The following ZNF678 variants were observed in gnomAD, a reference collection of about 807,000 sequenced individuals.
ZNF678 encodes zinc finger protein 678, also known as hypothetical protein MGC42493.
In ZNF678, 5 loss-of-function variants were observed where a neutral mutation model predicts 3.0. The observed-to-expected ratio is 1.69, with a 90% CI of 0.88 to 3.56. The LOEUF (loss-of-function observed/expected upper bound fraction) is 3.56, where lower values mean the gene tolerates loss of function less well. Among genes scored for constraint, ZNF678 ranks in the 30% most tolerant of loss-of-function variants. The pLI, the probability that ZNF678 is intolerant of heterozygous loss-of-function variation, is 0.00. For missense variants in ZNF678, 593 were observed against 605.0 expected, an observed-to-expected ratio of 0.98 and a Z score of 0.21; for synonymous variants, 218 against 199.6, an observed-to-expected ratio of 1.09 and a Z score of -0.78.
intron 1 of ZNF678, among the ~76,000 whole-genome samples, chr1:227,599,678 T>C (rs527474359): frequency 1.1e-4 from 17 of 152,212 alleles, no homozygotes; most frequent in Non-Finnish European, 2.4e-4. Context: ...GGCTACCATA[T>C]AATATCTGAA....
chr1:227,637,965 A>G (rs992253084), intron 1 of ZNF678, among the ~76,000 whole-genome samples: 2 of 152,234 alleles, frequency 1.3e-5, no homozygotes, highest in Non-Finnish European at 2.9e-5. Flanking sequence ...AAGAAGTTTA[A>G]AAGAGATAGT....
chr1:227,623,412 A>T (rs1369361076), intron 1 of ZNF678, among the ~76,000 whole-genome samples: 2 of 152,228 alleles, frequency 1.3e-5, no homozygotes, highest in East Asian at 3.8e-4. Context: ...AACTTACCTG[A>T]CAGGTTTGTT....
intron 5 of ZNF678, among the ~76,000 whole-genome samples, chr1:227,676,795 GT>G (rs889642965): frequency 6.6e-6 from 1 of 151,536 alleles, no homozygotes; most frequent in Non-Finnish European, 1.5e-5. Flanking sequence ...CCTTGCGATA[GT>G]TTGCTGAGAA....
chr1:227,618,516 G>T (rs1411382765), intron 1 of ZNF678, among the ~76,000 whole-genome samples: 1 of 152,184 alleles, frequency 6.6e-6, no homozygotes, highest in African/African-American at 2.4e-5. Flanking sequence ...CTATGGAGAG[G>T]CTCCTCTGTG....
intron 1 of ZNF678, among the ~76,000 whole-genome samples, chr1:227,633,857 G>A (rs924754163): frequency 6.6e-6 from 1 of 152,198 alleles, no homozygotes; most frequent in Non-Finnish European, 1.5e-5. Context: ...CAGTGGACTA[G>A]TGGGGCACAT....
rs143594316 is a variant in ZNF678 at position 227,578,478 on chromosome 1, T to C, written c.-164+14754T>C. On this transcript the variant is annotated intron_variant, in intron 1 of 3. Coordinates refer to ENST00000343776, the MANE Select transcript of ZNF678 (RefSeq NM_001367909.1). ...ACACTATTCTTGTCTGATTGTCTTA[T>C]TTTAGAAAGTCAGTCTTCAAGCACT... 3.4e-3 allele frequency among the ~76,000 whole-genome samples: 515 copies of C among 152,330 alleles called. 13 individuals are homozygous for C. The highest frequency in any genetic ancestry group is 0.029 in the South Asian group (141 of 4,828).
At chr1:227,602,643 T>C (rs980933643) in intron 1 of ZNF678, among the ~76,000 whole-genome samples, 4 of 152,350 alleles carry the variant, frequency 2.6e-5, no homozygotes, top group African/African-American at 9.6e-5. Context: ...GAATTACTGT[T>C]TGTTTATAAC....
chr1:227,643,863 CTTTTTT>C (rs554280668), intron 1 of ZNF678, among the ~76,000 whole-genome samples: 1 of 115,426 alleles, frequency 8.7e-6, no homozygotes, highest in African/African-American at 3.4e-5. Context: ...CTTTTCTTTT[CTTTTTT>C]TTTTTTTTTT....
chr1:227,601,582 T>C (rs1657739728), intron 1 of ZNF678, among the ~76,000 whole-genome samples: 1 of 152,038 alleles, frequency 6.6e-6, no homozygotes, highest in East Asian at 1.9e-4. Context: ...TTATTTTTTT[T>C]GAGACGGAGT....
chr1:227,573,698 G>T (rs1172326578), intron 1 of ZNF678, among the ~76,000 whole-genome samples: 32,658 of 151,664 alleles, frequency 0.22, 3,986 homozygotes, highest in African/African-American at 0.33. Flanking sequence ...TAAGTTCAGG[G>T]GTACATGTGC....
intron 1 of ZNF678, among the ~76,000 whole-genome samples, chr1:227,623,829 T>G (rs1335375842): frequency 6.6e-6 from 1 of 152,220 alleles, no homozygotes; most frequent in Non-Finnish European, 1.5e-5. Context: ...ATGAACATAG[T>G]CTTACTGTCA....
intron 1 of ZNF678, among the ~76,000 whole-genome samples, chr1:227,570,144 G>A (rs796175393): frequency 3.9e-5 from 6 of 152,024 alleles, no homozygotes; most frequent in African/African-American, 1.2e-4. Flanking sequence ...ACTAGGGCAG[G>A]GTTCTGCTAT....
intron 1 of ZNF678, among the ~76,000 whole-genome samples, chr1:227,589,533 G>A (rs1657353207): frequency 6.6e-6 from 1 of 151,604 alleles, no homozygotes; most frequent in African/African-American, 2.4e-5. Flanking sequence ...GGGAGCATTG[G>A]CAAGACTCCT....
intron 1 of ZNF678, among the ~76,000 whole-genome samples, chr1:227,586,066 A>G (rs1178632045): frequency 1.3e-5 from 2 of 151,892 alleles, no homozygotes; most frequent in African/African-American, 4.8e-5. Context: ...TTTGCGCTAC[A>G]GGTCCCAGAT....
At chr1:227,643,892 C>T (rs530267490) in intron 1 of ZNF678, among the ~76,000 whole-genome samples, 6 of 115,204 alleles carry the variant, frequency 5.2e-5, no homozygotes, top group Non-Finnish European at 8.2e-5. Flanking sequence ...GAGATGGAGT[C>T]TCGCTCTGTC....
In ZNF678 at chr1:227,655,719, A is replaced by G. The variant is rs150224469; in HGVS notation, c.1469A>G (p.Lys490Arg). The change falls in exon 4 of 4, where the codon AAA (lysine) becomes AGA (arginine). Residue 490 changes from lysine to arginine, a missense_variant. Coordinates refer to ENST00000343776, the MANE Select transcript of ZNF678 (RefSeq NM_001367909.1). The part of the protein sequence containing the change: ...KRIHTGEKRY[K>R]CKECGKGFYQ... ...ATTCATACTGGAGAGAAACGCTACA[A>G]ATGTAAAGAATGTGGAAAAGGTTTT... The G allele has an allele frequency of 5.8e-5, 94 of 1,612,468 alleles. 1 individual carries two copies. The East Asian group carries it at 2.0e-3, about 34-fold the overall frequency.
rs1357173157 is a variant in ZNF678 at position 227,563,633 on chromosome 1, C to T, written c.-255C>T. The T allele has an allele frequency of 7.8e-7, 1 of 1,285,484 alleles. No homozygotes were observed. Among genetic ancestry groups the T allele is most frequent in the Admixed American group, 2.3e-5 (1 of 43,982 alleles). 79.6% of individuals were successfully genotyped at this position (1,285,484 alleles called of 1,614,324 possible). The stretch of plus-strand genomic sequence containing the variant: ...CCCCAGCTGCGGGAGGCCCTGGTGA[C>T]TCTGCTGCTGCAGTGTCTGGTTTCC... On this transcript the variant is annotated 5_prime_UTR_variant, in exon 1 of 4. Transcript: ENST00000343776.
At chr1:227,642,111 T>A (rs1406880867) in intron 1 of ZNF678, among the ~76,000 whole-genome samples, 1 of 152,234 alleles carries the variant, frequency 6.6e-6, no homozygotes, top group Non-Finnish European at 1.5e-5. Flanking sequence ...TAAACCAGGT[T>A]GACTCTGCCT....
chr1:227,586,937 A>G (rs1291817104), intron 1 of ZNF678, among the ~76,000 whole-genome samples: 2 of 152,210 alleles, frequency 1.3e-5, no homozygotes, highest in African/African-American at 2.4e-5. Flanking sequence ...CCCTGAATGC[A>G]AAGCCCATGG....
Sources: gnomAD v4.1 joint callset for allele counts (sites outside exome capture counted in the v4.1 genomes callset) on GRCh38, gnomAD v4.1.1 for gene constraint, MANE v1.5 for transcripts, NCBI Gene and HGNC (gene_info 2026-07-23, HGNC 2026-07-21) for gene names.